The following PDE8A variants were observed in gnomAD, a reference collection of about 807,000 sequenced individuals.
PDE8A encodes the protein high affinity cAMP-specific and IBMX-insensitive 3',5'-cyclic phosphodiesterase 8A.
A neutral mutation model predicts 105.0 loss-of-function variants in PDE8A; 59 were observed. The observed-to-expected ratio is 0.56, with a 90% CI of 0.46 to 0.70. The LOEUF is 0.70. Ranked by LOEUF, PDE8A falls within the 30% of genes least tolerant of loss-of-function variation. PDE8A has a pLI of 0.00. For synonymous variants in PDE8A, 355 were observed against 371.9 expected (o/e 0.95, Z 0.52); for missense variants, 1,014 against 1,045.9 (o/e 0.97, Z 0.42).
intron 20 of PDE8A, among the ~76,000 whole-genome samples, chr15:85,131,716 T>C (rs2082332733): frequency 6.6e-6 from 1 of 152,368 alleles, no homozygotes; most frequent in Non-Finnish European, 1.5e-5. Flanking sequence ...TTATATCAAG[T>C]TACTGTCTAG....
rs922122229 is a variant in PDE8A, at chr15:85,066,997, G to T, written c.244-17G>T. 3 of 1,542,782 alleles carry T rather than the reference G, an allele frequency of 1.9e-6. No homozygotes were observed. The highest frequency in any genetic ancestry group is 2.8e-5 in the African/African-American group (2 of 71,922). On this transcript the variant is annotated splice_polypyrimidine_tract_variant and intron_variant, in intron 2 of 21. Coordinates refer to ENST00000394553, the MANE Select transcript of PDE8A (RefSeq NM_002605.3). ...ACATCTTTTTTTAAAAAAAGTGTTT[G>T]TGCTCTTTTGATTCAGGTACTTTTA...
At position 85,041,567 on chromosome 15, in the gene PDE8A, A is replaced by T. The variant is rs193047770; in HGVS notation, c.187-22803A>T. Among the ~76,000 whole-genome samples the T allele has an allele frequency of 2.5e-4, 38 of 152,288 alleles. 1 individual carries two copies. Among genetic ancestry groups the T allele is most frequent in the Admixed American group, 2.0e-4 (3 of 15,300 alleles). ...AAGTGTATTTGGATTATAATTTGAGACTTTCCGCCCACCATTTTGTTAAAA... is the reference window on the plus strand; with the variant it reads ...AAGTGTATTTGGATTATAATTTGAGTCTTTCCGCCCACCATTTTGTTAAAA... On this transcript the variant is annotated intron_variant, in intron 1 of 21. Transcript: ENST00000394553.
intron 20 of PDE8A, among the ~76,000 whole-genome samples, chr15:85,136,084 A>C (rs950644201): frequency 6.6e-6 from 1 of 152,146 alleles, no homozygotes; most frequent in Non-Finnish European, 1.5e-5. Flanking sequence ...TCAGACCCAG[A>C]GAGGCATTGA....
intron 16 of PDE8A, among the ~76,000 whole-genome samples, chr15:85,116,497 CT>C (rs1311814704): frequency 1.3e-5 from 2 of 152,240 alleles, no homozygotes; most frequent in African/African-American, 4.8e-5. Flanking sequence ...CTGCTCCCAG[CT>C]TTTGGTTGTT....
chr15:84,981,237 C>T (rs2079702281), upstream of PDE8A, among the ~76,000 whole-genome samples: 2 of 152,344 alleles, frequency 1.3e-5, no homozygotes, highest in South Asian at 2.1e-4. Context: ...GGCGCCCCGC[C>T]TGTCGTCGCC....
intron 11 of PDE8A, among the ~76,000 whole-genome samples, chr15:85,107,341 T>C (rs1306725170): frequency 6.6e-6 from 1 of 152,202 alleles, no homozygotes; most frequent in Non-Finnish European, 1.5e-5. Flanking sequence ...TTGAATCTTA[T>C]CCTAAAGACA....
intron 1 of PDE8A, among the ~76,000 whole-genome samples, chr15:85,043,009 T>A (rs1027550580): frequency 2.6e-5 from 4 of 152,184 alleles, no homozygotes; most frequent in African/African-American, 9.7e-5. Flanking sequence ...GCCAACCCAA[T>A]AAAACCTAGG....
intron 8 of PDE8A, among the ~76,000 whole-genome samples, chr15:85,096,235 T>C (rs185895829): frequency 1.4e-4 from 21 of 152,248 alleles, no homozygotes; most frequent in African/African-American, 5.1e-4. Context: ...TTTCTCTCTC[T>C]TTTTTTAATG....
chr15:85,047,880 C>A (rs2080912101), intron 1 of PDE8A, among the ~76,000 whole-genome samples: 1 of 152,158 alleles, frequency 6.6e-6, no homozygotes, highest in Non-Finnish European at 1.5e-5. Flanking sequence ...TTTACTCATG[C>A]TGGTCATTAA....
chr15:85,010,706 C>T (rs1400821518), intron 1 of PDE8A, among the ~76,000 whole-genome samples: 1 of 152,104 alleles, frequency 6.6e-6, no homozygotes, highest in South Asian at 2.1e-4. Context: ...TTTTCTGTCA[C>T]CCATTTCAAC....
At chr15:84,986,786 T>C (rs1200660912) in intron 1 of PDE8A, among the ~76,000 whole-genome samples, 1 of 151,076 alleles carries the variant, frequency 6.6e-6, no homozygotes, top group Non-Finnish European at 1.5e-5. Context: ...TTTTTTAAAC[T>C]TTTTTTTTGT....
chr15:85,102,819 A>G (rs1044098439), intron 11 of PDE8A, among the ~76,000 whole-genome samples: 3 of 149,256 alleles, frequency 2.0e-5, no homozygotes, highest in Non-Finnish European at 4.5e-5. Context: ...AGCCTGGGCT[A>G]CAAGAGTGAA....
intron 8 of PDE8A, among the ~76,000 whole-genome samples, chr15:85,094,753 G>A (rs914734959): frequency 6.6e-6 from 1 of 152,092 alleles, no homozygotes; most frequent in African/African-American, 2.4e-5. Context: ...CATTGCCTGG[G>A]CCTGACCTTG....
intron 2 of PDE8A, among the ~76,000 whole-genome samples, chr15:85,065,186 C>G (rs778799445): frequency 4.3e-4 from 66 of 152,032 alleles, no homozygotes; most frequent in Admixed American, 3.9e-4. Flanking sequence ...AAAAGATTGT[C>G]TTTTCAATGT....
intron 1 of PDE8A, among the ~76,000 whole-genome samples, chr15:85,013,906 TC>T (rs1395665671): frequency 1.3e-5 from 2 of 152,158 alleles, no homozygotes; most frequent in African/African-American, 4.8e-5. Flanking sequence ...CCAATTCCTC[TC>T]CATGTGTGTC....
rs1037454757 is a variant in PDE8A at position 85,109,124 on chromosome 15, A to G, written c.1108A>G (p.Thr370Ala). ...CGTCAAAGCTGTTGCCTCCCGTGCA[A>G]CTGAAGGTGAGTGACAAAGACAAGA... is the stretch of plus-strand genomic sequence containing the variant. Reference protein sequence around the residue: ...LDVKAVASRATEVSSQRRHSS... With the variant: ...LDVKAVASRAAEVSSQRRHSS... Residue 370 changes from threonine (T) to alanine (A), a missense_variant, in exon 12 of 22, where the codon ACT becomes GCT. Physicochemically the swap from Thr to Ala is moderately conservative, Grantham distance 58. Transcript: ENST00000394553. 3 of 1,607,096 alleles carry G rather than the reference A, an allele frequency of 1.9e-6. No homozygotes were observed. Among genetic ancestry groups the G allele is most frequent in the African/African-American group, 1.3e-5 (1 of 74,778 alleles).
chr15:85,059,917 A>C (rs577215573), intron 1 of PDE8A, among the ~76,000 whole-genome samples: 1 of 152,198 alleles, frequency 6.6e-6, no homozygotes, highest in Admixed American at 6.5e-5. Flanking sequence ...CTGAAGTGGG[A>C]CGATCTCTTG....
At chr15:85,118,497 C>T (rs1263832855) in intron 17 of PDE8A, among the ~76,000 whole-genome samples, 1 of 152,180 alleles carries the variant, frequency 6.6e-6, no homozygotes, top group Non-Finnish European at 1.5e-5. Context: ...CCCTGCCTCC[C>T]ATGGAATGCC....
At chr15:85,119,086 C>T (rs879651698) in intron 17 of PDE8A, among the ~76,000 whole-genome samples, 15 of 152,074 alleles carry the variant, frequency 9.9e-5, no homozygotes, top group Non-Finnish European at 1.8e-4. Context: ...CAATATGGCT[C>T]AGCATATAAA....
Sources: gnomAD v4.1 joint callset for allele counts (sites outside exome capture counted in the v4.1 genomes callset) on GRCh38, gnomAD v4.1.1 for gene constraint, MANE v1.5 for transcripts, NCBI Gene and HGNC (gene_info 2026-07-23, HGNC 2026-07-21) for gene names.